Variants in SRGAP2 observed in about 807,000 individuals in gnomAD.
SRGAP2 encodes the protein SLIT-ROBO Rho GTPase-activating protein 2.
A neutral mutation model predicts 57.2 loss-of-function variants in SRGAP2; 15 were observed. The ratio of observed to expected loss-of-function variants is 0.26; its 90% CI spans 0.18 to 0.40. SRGAP2 has a LOEUF of 0.40. Among genes scored for constraint, SRGAP2 ranks in the 10% least tolerant of loss-of-function variants. The pLI, the probability that SRGAP2 is intolerant of heterozygous loss-of-function variation, is 1.00. For missense variants in SRGAP2, 520 were observed against 669.6 expected (o/e 0.78, Z 2.47); for synonymous variants, 249 against 248.0 (o/e 1.00, Z -0.04).
chr1:206,425,800 GCTGGGATTACAGGCGTGAGCCACTGCACC>G (rs1399111490), intron 13 of SRGAP2, among the ~76,000 whole-genome samples: 2 of 150,220 alleles, frequency 1.3e-5, no homozygotes, highest in Non-Finnish European at 2.9e-5. Flanking sequence ...CTCCCAAAGT[GCTGGGATTACAGGCGTGAGCCACTGCACC>G]CTGCCCAACC....
At chr1:206,396,157 T>A (rs572722679) in intron 7 of SRGAP2, among the ~76,000 whole-genome samples, 2,249 of 151,450 alleles carry the variant, frequency 0.015, 60 homozygotes, top group African/African-American at 0.052. Context: ...TAATTTTTTG[T>A]ATTTTTTTAG....
At chr1:206,332,456 T>C (rs1373610587) in intron 3 of SRGAP2, among the ~76,000 whole-genome samples, 96 of 151,430 alleles carry the variant, frequency 6.3e-4, no homozygotes, top group Admixed American at 1.7e-3. Flanking sequence ...CAATCAGACA[T>C]AGATTTGGTC....
intron 2 of SRGAP2, among the ~76,000 whole-genome samples, chr1:206,209,524 C>T (rs1329665777): frequency 6.6e-6 from 1 of 152,074 alleles, no homozygotes; most frequent in Admixed American, 6.5e-5. Context: ...CCTTAGTCAG[C>T]CTGCCTTGTA....
At chr1:206,332,841 G>A (rs1354243828) in intron 3 of SRGAP2, among the ~76,000 whole-genome samples, 3 of 150,966 alleles carry the variant, frequency 2.0e-5, no homozygotes, top group Non-Finnish European at 4.4e-5. Flanking sequence ...GCTTTGTTCC[G>A]TTGCTGGTGA....
intron 3 of SRGAP2, among the ~76,000 whole-genome samples, chr1:206,309,062 C>T (rs1672426542): frequency 7.1e-6 from 1 of 141,252 alleles, no homozygotes; most frequent in Non-Finnish European, 1.5e-5. Flanking sequence ...GTCCTAACTT[C>T]TCAGGAGGTG....
intron 8 of SRGAP2, among the ~76,000 whole-genome samples, chr1:206,402,179 T>C (rs1553356002): frequency 6.6e-6 from 1 of 152,148 alleles, no homozygotes; most frequent in Non-Finnish European, 1.5e-5. Flanking sequence ...CTCCTGAAAT[T>C]AGAAGACTGT....
chr1:206,269,081 T>C (rs1670052487), intron 2 of SRGAP2, among the ~76,000 whole-genome samples: 1 of 149,322 alleles, frequency 6.7e-6, no homozygotes, highest in African/African-American at 2.5e-5. Context: ...AAAATGCTCT[T>C]CAGAAGTAGA....
At chr1:206,419,153 T>A (rs1022067268) in intron 11 of SRGAP2, among the ~76,000 whole-genome samples, 5 of 152,154 alleles carry the variant, frequency 3.3e-5, no homozygotes, top group African/African-American at 1.2e-4. Flanking sequence ...GGAATCAGCA[T>A]CAGAAACAGT....
intron 17 of SRGAP2, among the ~76,000 whole-genome samples, chr1:206,440,294 C>CTT (rs1662158450): frequency 4.6e-5 from 7 of 151,982 alleles, no homozygotes; most frequent in Non-Finnish European, 7.4e-5. Context: ...AGGAAACAGC[C>CTT]AATAACAGAT....
chr1:206,353,661 C>T (rs1553338701), intron 4 of SRGAP2, among the ~76,000 whole-genome samples: 3 of 151,172 alleles, frequency 2.0e-5, no homozygotes, highest in African/African-American at 7.4e-5. Flanking sequence ...TGCCACTGCA[C>T]TCCAGCCTGG....
chr1:206,433,966 CA>C (rs1553369167), intron 14 of SRGAP2, among the ~76,000 whole-genome samples: 1 of 152,086 alleles, frequency 6.6e-6, no homozygotes, highest in East Asian at 1.9e-4. Flanking sequence ...AGTAGCTGCT[CA>C]AAAAACATCT....
intron 4 of SRGAP2, among the ~76,000 whole-genome samples, chr1:206,358,634 G>T (rs1202325727): frequency 6.6e-6 from 1 of 150,730 alleles, no homozygotes; most frequent in East Asian, 1.9e-4. Flanking sequence ...CTCAGAGTCA[G>T]TGGTCTTTCT....
Position 206,389,706 on chromosome 1 carries a change from CT to C in SRGAP2, c.487-2975del, listed in dbSNP as rs560092260. On this transcript the variant is annotated intron_variant, in intron 5 of 22. Transcript: ENST00000573034. ...ACCTAAATGATAATCATTTTAGAAC[CT>C]TTTTTTTCCTATTATTTTAGTGTGG... Among the ~76,000 whole-genome samples the C allele has an allele frequency of 1.7e-3, 259 of 151,218 alleles. 1 individual carries two copies. The highest frequency in any genetic ancestry group is 5.7e-3 in the African/African-American group (236 of 41,202).
intron 10 of SRGAP2, among the ~76,000 whole-genome samples, chr1:206,414,159 G>C (rs187100100): frequency 2.0e-5 from 3 of 151,622 alleles, no homozygotes; most frequent in Admixed American, 2.0e-4. Context: ...AGCCTCTCGA[G>C]TAGCTGGGAT....
chr1:206,441,569 ATAAATGG>A, intron 17 of SRGAP2, among the ~76,000 whole-genome samples: 1 of 152,346 alleles, frequency 6.6e-6, no homozygotes, highest in East Asian at 1.9e-4. Flanking sequence ...ACCAAAGGTT[ATAAATGG>A]GCACCCTGAG....
At chr1:206,455,077 C>G (rs782364092) in intron 21 of SRGAP2, 53 bp downstream of exon 21, 2 of 779,198 alleles carry the variant, frequency 2.6e-6, no homozygotes, top group Admixed American at 3.4e-5. Flanking sequence ...AACACCCAGC[C>G]TCACCCTCTG....
At chr1:206,422,861 A>G (rs1340264095) in intron 13 of SRGAP2, among the ~76,000 whole-genome samples, 1 of 152,232 alleles carries the variant, frequency 6.6e-6, no homozygotes, top group Non-Finnish European at 1.5e-5. Context: ...CCCCAATCCA[A>G]TAAAGACCTT....
At chr1:206,423,349 G>A (rs546257110) in intron 13 of SRGAP2, among the ~76,000 whole-genome samples, 22 of 152,262 alleles carry the variant, frequency 1.4e-4, no homozygotes, top group African/African-American at 4.8e-4. Context: ...TCCCTTAGAT[G>A]AATCTTTCTC....
intron 20 of SRGAP2, chr1:206,453,916 G>A: frequency 1.9e-6 from 1 of 540,406 alleles, no homozygotes; most frequent in Non-Finnish European, 3.3e-6. Context: ...AGGGTAAGAT[G>A]GGGGAAGGAG....
Sources: allele counts gnomAD v4.1 joint callset (sites outside exome capture counted in the v4.1 genomes callset), GRCh38; gene constraint gnomAD v4.1.1; transcripts MANE v1.5; gene names NCBI Gene and HGNC (gene_info 2026-07-23, HGNC 2026-07-21).